INO80: variants seen among roughly 807,000 people sequenced by gnomAD.
INO80 encodes INO80 complex ATPase subunit.
In INO80, 20 loss-of-function variants were observed where a neutral mutation model predicts 203.4. The ratio of observed to expected loss-of-function variants is 0.10; its 90% CI spans 0.07 to 0.14. The LOEUF is 0.14. Among genes scored for constraint, INO80 ranks in the 10% least tolerant of loss-of-function variants. The pLI is 1.00. For synonymous variants in INO80, 726 were observed against 685.2 expected (o/e 1.06, Z -0.93); for missense variants, 1,419 against 1,914.4 (o/e 0.74, Z 4.83).
chr15:41,041,041 T>C (rs1566923932), intron 24 of INO80, among the ~76,000 whole-genome samples: 3 of 152,184 alleles, frequency 2.0e-5, no homozygotes, highest in East Asian at 3.9e-4. Flanking sequence ...CCAACAAAGT[T>C]TAAATGAAGA....
intron 29 of INO80, among the ~76,000 whole-genome samples, chr15:40,992,609 A>C (rs1359068738): frequency 6.6e-6 from 1 of 152,218 alleles, no homozygotes; most frequent in African/African-American, 2.4e-5. Flanking sequence ...CCAGACAAGC[A>C]ACTAATCCTA....
At chr15:40,982,571 T>G (rs1370815510) in intron 35 of INO80, among the ~76,000 whole-genome samples, 2 of 152,226 alleles carry the variant, frequency 1.3e-5, no homozygotes, top group Non-Finnish European at 2.9e-5. Flanking sequence ...AATGAAAGCC[T>G]AGGAAGAAAA....
At chr15:41,000,568 G>A (rs2140431511) in intron 28 of INO80, among the ~76,000 whole-genome samples, 1 of 151,744 alleles carries the variant, frequency 6.6e-6, no homozygotes, top group East Asian at 1.9e-4. Context: ...GGTGGTACGA[G>A]CCTGTAGTCT....
At chr15:41,058,860 T>C (rs1282669671) in intron 15 of INO80, 79 bp from the exon 16 acceptor site, 2 of 1,404,508 alleles carry the variant, frequency 1.4e-6, no homozygotes, top group Non-Finnish European at 2.0e-6. Flanking sequence ...ACTGTTTTTC[T>C]AGGGCCAAAA....
Position 41,049,239 on chromosome 15 carries a change from T to C in INO80, c.2576+48A>G, listed in dbSNP as rs190290941. On this transcript the variant is annotated intron_variant, in intron 21 of 35. Transcript: ENST00000648947. ...AAATTTATCTACTAAGCCATAAAAC[T>C]GTAAATTATAAAACACTAATAGTGA... The C allele has an allele frequency of 8.0e-6, 12 of 1,504,644 alleles. No individual in the cohort carries two copies. The Admixed American group carries it at 2.4e-4, about 30-fold the overall frequency. 93.2% of individuals were successfully genotyped at this position (1,504,644 alleles called of 1,614,324 possible).
Position 41,096,148 on chromosome 15 carries a change from G to A in INO80, c.143+20C>T. ...AATCAGGAATTTGGTAAAACATATT[G>A]CAAAGATACAATAACATACCTAGAA... On this transcript the variant is annotated intron_variant, in intron 2 of 35. Coordinates refer to ENST00000648947, the MANE Select transcript of INO80 (RefSeq NM_017553.3). 1 of 1,582,506 alleles carries A rather than the reference G, an allele frequency of 6.3e-7. No homozygotes were observed. Among genetic ancestry groups the A allele is most frequent in the Non-Finnish European group, 8.6e-7 (1 of 1,168,826 alleles).
chr15:41,027,984 A>G (rs923198968), intron 24 of INO80: 1 of 271,114 alleles, frequency 3.7e-6, no homozygotes, highest in Non-Finnish European at 6.9e-6. Flanking sequence ...TTTTTCTGGA[A>G]GAGATATTGT....
intron 4 of INO80, 27 bp downstream of exon 4, chr15:41,095,574 C>T (rs2045710662): frequency 2.6e-6 from 4 of 1,550,052 alleles, no homozygotes; most frequent in Non-Finnish European, 3.6e-6. Flanking sequence ...ACTATCTGCA[C>T]TGTAAACACC....
intron 34 of INO80, 95 bp downstream of exon 34, chr15:40,983,667 T>C (rs1463086326): frequency 3.8e-6 from 4 of 1,061,208 alleles, no homozygotes; most frequent in Middle Eastern, 3.2e-4. Context: ...AGAATAAAAA[T>C]ACCATTATCC....
chr15:41,106,383 CAA>C (rs369784846), intron 1 of INO80, among the ~76,000 whole-genome samples: 14 of 83,886 alleles, frequency 1.7e-4, no homozygotes, highest in Admixed American at 1.3e-4. Flanking sequence ...GACCCTGTCT[CAA>C]AAAAAAAAAA....
intron 28 of INO80, among the ~76,000 whole-genome samples, chr15:41,002,682 G>C (rs546030496): frequency 6.6e-6 from 1 of 152,160 alleles, no homozygotes; most frequent in Non-Finnish European, 1.5e-5. Flanking sequence ...TCTATGCTAA[G>C]ACAGTAATCT....
chr15:41,036,219 G>C lies in INO80; in HGVS notation c.2908-8483C>G, dbSNP rs907768585. On this transcript the variant is annotated intron_variant, in intron 24 of 35. Transcript: ENST00000648947. ...AACCACATAGCTAAGCTGCTCCCAA[G>C]TTCCCAGCCAACAGAAACAGTGTGA... Among the ~76,000 whole-genome samples, 22 of 132,132 alleles carry C rather than the reference G, an allele frequency of 1.7e-4. No homozygotes were observed. In the Admixed American group the frequency reaches 1.9e-3, roughly 11 times the overall value. 86.7% of individuals were successfully genotyped at this position (132,132 alleles called of 152,430 possible). A position where few individuals can be genotyped will look rare whatever the true frequency, so the allele number is the denominator to read the frequency against.
intron 21 of INO80, 28 bp from the exon 22 acceptor site, chr15:41,048,304 C>T: frequency 7.8e-6 from 12 of 1,540,184 alleles, no homozygotes; most frequent in Non-Finnish European, 1.1e-5. Flanking sequence ...AAAATAAAGC[C>T]AAACCCAAAC....
chr15:41,037,900 G>A (rs890150171), intron 24 of INO80, among the ~76,000 whole-genome samples: 1 of 151,482 alleles, frequency 6.6e-6, no homozygotes, highest in Admixed American at 6.6e-5. Flanking sequence ...CCAAGATTGT[G>A]CCACTGCACT....
chr15:41,027,186 T>C (rs1293473422), intron 25 of INO80, among the ~76,000 whole-genome samples: 1 of 152,200 alleles, frequency 6.6e-6, no homozygotes, highest in African/African-American at 2.4e-5. Flanking sequence ...ACTGAGGTGA[T>C]ATGACCGGAT....
At chr15:41,043,767 G>T (rs539724524) in intron 24 of INO80, among the ~76,000 whole-genome samples, 1 of 152,266 alleles carries the variant, frequency 6.6e-6, no homozygotes, top group Admixed American at 6.5e-5. Context: ...ATTTCACTCA[G>T]AATAAATTCC....
chr15:41,091,771 A>C (rs754739439), intron 5 of INO80, among the ~76,000 whole-genome samples: 19 of 147,408 alleles, frequency 1.3e-4, no homozygotes, highest in Non-Finnish European at 2.2e-4. Context: ...CTCCTGCCTC[A>C]GCCTCCTGAG....
chr15:40,983,149 TCTC>T (rs1596230440), intron 34 of INO80, 72 bp from the exon 35 acceptor site: 2 of 1,266,216 alleles, frequency 1.6e-6, no homozygotes, highest in South Asian at 1.3e-5. Flanking sequence ...AACATCACCT[TCTC>T]CTGACAGGGA....
intron 29 of INO80, among the ~76,000 whole-genome samples, chr15:40,996,700 T>G (rs1258759081): frequency 6.6e-6 from 1 of 152,106 alleles, no homozygotes; most frequent in Non-Finnish European, 1.5e-5. Flanking sequence ...AGTGGATAAT[T>G]TGTTGGAATA....
Sources: gnomAD v4.1 joint callset for allele counts (sites outside exome capture counted in the v4.1 genomes callset) on GRCh38, gnomAD v4.1.1 for gene constraint, MANE v1.5 for transcripts, NCBI Gene and HGNC (gene_info 2026-07-23, HGNC 2026-07-21) for gene names.